PTPRN2: variants seen among roughly 807,000 people sequenced by gnomAD.
PTPRN2 encodes the protein protein tyrosine phosphatase receptor type N2, also known as receptor-type tyrosine-protein phosphatase N2.
PTPRN2 carries 74 observed loss-of-function variants against 118.8 expected under a neutral mutation model. The ratio of observed to expected loss-of-function variants is 0.62; its 90% CI spans 0.52 to 0.76. PTPRN2 has a LOEUF of 0.76. Among genes scored for constraint, PTPRN2 ranks in the 30% least tolerant of loss-of-function variants. The pLI, the probability that PTPRN2 is intolerant of heterozygous loss-of-function variation, is 0.00. For synonymous variants in PTPRN2, 641 were observed against 608.0 expected, an observed-to-expected ratio of 1.05 and a Z score of -0.80; for missense variants, 1,481 against 1,394.4, an observed-to-expected ratio of 1.06 and a Z score of -0.99.
intron 10 of PTPRN2, among the ~76,000 whole-genome samples, chr7:158,097,805 T>C (rs1814761892): frequency 6.6e-6 from 1 of 152,386 alleles, no homozygotes; most frequent in South Asian, 2.1e-4. Context: ...ATGGGATTTA[T>C]GTGACAGCTA....
At chr7:157,682,245 C>A (rs939878284) in intron 13 of PTPRN2, among the ~76,000 whole-genome samples, 2 of 152,094 alleles carry the variant, frequency 1.3e-5, no homozygotes, top group Admixed American at 6.5e-5. Context: ...GGTCACCTTC[C>A]CCTGGTCAGC....
chr7:158,162,661 C>T (rs1250295519), intron 6 of PTPRN2, among the ~76,000 whole-genome samples: 3 of 152,058 alleles, frequency 2.0e-5, no homozygotes, highest in African/African-American at 7.2e-5. Flanking sequence ...CACCTGTTGT[C>T]CTCCCCGTCA....
intron 12 of PTPRN2, among the ~76,000 whole-genome samples, chr7:157,849,492 C>T (rs1809117721): frequency 6.6e-6 from 1 of 152,184 alleles, no homozygotes; most frequent in Non-Finnish European, 1.5e-5. Flanking sequence ...TGCTGCAGCC[C>T]CACGCCACTC....
chr7:157,713,780 C>T (rs974056172), intron 12 of PTPRN2, among the ~76,000 whole-genome samples: 8 of 152,228 alleles, frequency 5.3e-5, no homozygotes, highest in African/African-American at 1.2e-4. Flanking sequence ...GCTACGGACA[C>T]GGAGCCACAG....
intron 3 of PTPRN2, among the ~76,000 whole-genome samples, chr7:158,258,940 A>C (rs1177240323): frequency 2.0e-5 from 3 of 152,156 alleles, no homozygotes; most frequent in African/African-American, 2.4e-5. Context: ...AATGTGGAAG[A>C]GTTGATTTCA....
intron 10 of PTPRN2, among the ~76,000 whole-genome samples, chr7:158,089,765 T>G (rs199731365): frequency 0.12 from 7,653 of 64,960 alleles, 15 homozygotes; most frequent in Non-Finnish European, 0.18. Context: ...CTTCCCCTGA[T>G]GAAAAGGGGA....
intron 6 of PTPRN2, among the ~76,000 whole-genome samples, chr7:158,141,908 G>A (rs902054535): frequency 2.6e-5 from 4 of 152,240 alleles, no homozygotes; most frequent in Non-Finnish European, 5.9e-5. Flanking sequence ...AATGTGTGAC[G>A]GACACGGGCG....
chr7:157,994,459 G>A (rs1376161145), intron 11 of PTPRN2, among the ~76,000 whole-genome samples: 3 of 144,796 alleles, frequency 2.1e-5, no homozygotes, highest in Non-Finnish European at 4.6e-5. Flanking sequence ...ATCTGAGGCA[G>A]CGTTAGAGCG....
chr7:158,340,697 A>G (rs1161066532), intron 2 of PTPRN2, among the ~76,000 whole-genome samples: 3 of 84,428 alleles, frequency 3.6e-5, no homozygotes, highest in African/African-American at 8.9e-5. Flanking sequence ...AAGAGGTGAA[A>G]CCTGCAGACG....
intron 11 of PTPRN2, among the ~76,000 whole-genome samples, chr7:158,055,221 T>A (rs10272200): frequency 0.33 from 50,554 of 151,818 alleles, 9,189 homozygotes; most frequent in African/African-American, 0.5. Context: ...AGATAGTAGC[T>A]GAGGGGACAC....
rs369320878 is a variant in PTPRN2, at chr7:158,167,238, C to T, written c.603G>A (p.Ala201=). The T allele has an allele frequency of 4.0e-5, 64 of 1,612,754 alleles. No individual in the cohort carries two copies. In the Middle Eastern group the frequency reaches 5.0e-4, roughly 12 times the overall value. Residue 201 remains alanine (A), a synonymous_variant, in exon 6 of 23, where the codon GCG becomes GCA. Coordinates refer to ENST00000389418, the MANE Select transcript of PTPRN2 (RefSeq NM_002847.5). ...TCCGGGACCCGGGAGGGTAGGTCAG[C>T]GCAGACGTGTGGGCCACATAGGTCA... is the stretch of plus-strand genomic sequence containing the variant. ...SILTYVAHTS[A]LTYPPGSRTQ...
chr7:157,916,050 G>A (rs1798375289), intron 11 of PTPRN2, among the ~76,000 whole-genome samples: 1 of 152,208 alleles, frequency 6.6e-6, no homozygotes, highest in Admixed American at 6.5e-5. Context: ...TTTATATTAT[G>A]CTAAATATAA....
At chr7:158,423,762 C>A (rs1815464705) in intron 2 of PTPRN2, among the ~76,000 whole-genome samples, 1 of 152,152 alleles carries the variant, frequency 6.6e-6, no homozygotes, top group Non-Finnish European at 1.5e-5. Context: ...CCGCCCACCT[C>A]CGCCTCCCAA....
intron 11 of PTPRN2, among the ~76,000 whole-genome samples, chr7:158,006,311 A>C (rs951415889): frequency 2.6e-5 from 4 of 152,140 alleles, no homozygotes; most frequent in African/African-American, 7.2e-5. Flanking sequence ...ATTTTTACCA[A>C]CTTTTCCAAG....
rs1189686144 is a variant in PTPRN2, at chr7:157,929,839, C to T, written c.1724-31102G>A. On this transcript the variant is annotated intron_variant, in intron 11 of 22. Coordinates refer to ENST00000389418, the MANE Select transcript of PTPRN2 (RefSeq NM_002847.5). The surrounding 1 kb of genome is among the most constrained non-coding windows in gnomAD (Gnocchi z 4.4). ...CCCACTGGTGGTGTTCCCGGGACAC[C>T]AGGCACTGGAGGTCGGCACGCTTAT... 6.6e-6 allele frequency among the ~76,000 whole-genome samples: 1 copy of T among 152,268 alleles called. No individual in the cohort carries two copies. The highest frequency in any genetic ancestry group is 2.4e-5 in the African/African-American group (1 of 41,556).
chr7:157,583,928 ACACACACT>A lies in PTPRN2; in HGVS notation c.2497-5796_2497-5789del, dbSNP rs1585063698. Among the ~76,000 whole-genome samples the A allele has an allele frequency of 7.3e-6, 1 of 137,322 alleles. No individual in the cohort carries two copies. 90.1% of individuals were successfully genotyped at this position (137,322 alleles called of 152,430 possible). A position where few individuals can be genotyped will look rare whatever the true frequency, so the allele number is the denominator to read the frequency against. On this transcript the variant is annotated intron_variant, in intron 17 of 22. Coordinates refer to ENST00000389418, the MANE Select transcript of PTPRN2 (RefSeq NM_002847.5). The surrounding 1 kb of genome is among the most constrained non-coding windows in gnomAD (Gnocchi z 5.5). ...CACACACACACACACACACACACAC[ACACACACT>A]CTTAAAATAAGCTCTCCTGAAGCCC... is the stretch of plus-strand genomic sequence containing the variant.
intron 12 of PTPRN2, among the ~76,000 whole-genome samples, chr7:157,756,869 A>G (rs184342320): frequency 1.3e-5 from 2 of 152,060 alleles, no homozygotes; most frequent in East Asian, 3.9e-4. Flanking sequence ...CCATGTCATT[A>G]TTCCTCAGCC....
At chr7:158,583,909 T>G (rs547229537) in intron 1 of PTPRN2, among the ~76,000 whole-genome samples, 1 of 152,182 alleles carries the variant, frequency 6.6e-6, no homozygotes. Flanking sequence ...GAAGTAAAGA[T>G]AGATTTGTGC....
At chr7:158,104,085 A>C (rs1440247690) in intron 10 of PTPRN2, among the ~76,000 whole-genome samples, 2 of 151,790 alleles carry the variant, frequency 1.3e-5, no homozygotes, top group Non-Finnish European at 2.9e-5. Context: ...CTGGTCCTGA[A>C]CTCCTGAGCT....
Sources: allele counts gnomAD v4.1 joint callset (sites outside exome capture counted in the v4.1 genomes callset), GRCh38; gene constraint gnomAD v4.1.1; non-coding constraint Gnocchi (gnomAD v3.1); transcripts MANE v1.5; gene names NCBI Gene and HGNC (gene_info 2026-07-23, HGNC 2026-07-21).